The following ZNF320 variants were observed in gnomAD, a reference collection of about 807,000 sequenced individuals.
The protein encoded by ZNF320 is zinc finger protein 320.
In ZNF320, 2 loss-of-function variants were observed where a neutral mutation model predicts 6.8. The ratio of observed to expected loss-of-function variants is 0.29; its 90% CI spans 0.12 to 0.93. The LOEUF is 0.93. ZNF320 is among the 40% of genes least tolerant of loss of function. The pLI, the probability that ZNF320 is intolerant of heterozygous loss-of-function variation, is 0.55. For synonymous variants in ZNF320, 208 were observed against 203.2 expected (o/e 1.02, Z -0.20); for missense variants, 472 against 611.0 (o/e 0.77, Z 2.40).
At position 52,880,914 on chromosome 19, in the gene ZNF320, T is replaced by C. The variant is rs768969674; in HGVS notation, c.1212A>G (p.Gln404=). The C allele has an allele frequency of 3.1e-6, 5 of 1,613,210 alleles. No homozygotes were observed. In the African/African-American group the frequency reaches 4.0e-5, roughly 13 times the overall value. ...AAAGTTTCTCTCCAGTATGAAGTTT[T>C]TGATGACATGCGAGGTACGCTTTTG... The part of the protein sequence containing the change: ...FSTKAYLACH[Q]KLHTGEKLYE... The change falls in exon 6 of 6, where the codon CAA becomes CAG. Residue 404 remains glutamine (Q), a synonymous_variant. Coordinates refer to ENST00000682928, the MANE Select transcript of ZNF320 (RefSeq NM_001351774.2).
intron 5 of ZNF320, among the ~76,000 whole-genome samples, chr19:52,882,842 G>A (rs1206113697): frequency 6.6e-6 from 1 of 151,928 alleles, no homozygotes; most frequent in East Asian, 2.0e-4. Context: ...CTGAAAGGAT[G>A]AGGCAGGAAA....
chr19:52,896,993 C>T (rs1456700861), intron 1 of ZNF320, among the ~76,000 whole-genome samples: 1 of 152,232 alleles, frequency 6.6e-6, no homozygotes, highest in Non-Finnish European at 1.5e-5. Flanking sequence ...CTCAGCATTT[C>T]GTTGGCCAAG....
downstream of ZNF320, among the ~76,000 whole-genome samples, chr19:52,872,594 C>T (rs1490687556): frequency 5.9e-5 from 9 of 152,222 alleles, no homozygotes; most frequent in African/African-American, 1.4e-4. Context: ...CTCCGCCTCC[C>T]GGGTTCATGC....
At chr19:52,864,074 C>T (rs1315211303) in exon 6 of ZNF320, 1 of 484,062 alleles carries the variant, frequency 2.1e-6, no homozygotes, top group Non-Finnish European at 4.0e-6. Context: ...CATCACAGCC[C>T]TGTATAAAGC....
exon 6 of ZNF320, among the ~76,000 whole-genome samples, chr19:52,863,036 A>G (rs1369928915): frequency 1.3e-5 from 2 of 152,056 alleles, no homozygotes; most frequent in African/African-American, 2.4e-5. Flanking sequence ...GACTCGGCTC[A>G]TTGCAAACTG....
chr19:52,861,903 T>G (rs1354087052), exon 6 of ZNF320: 1 of 353,588 alleles, frequency 2.8e-6, no homozygotes, highest in Non-Finnish European at 5.7e-6. Context: ...AAGTAAAGAC[T>G]TTGCCATAAT....
At chr19:52,867,183 TTA>T (rs1233549484) in intron 5 of ZNF320, among the ~76,000 whole-genome samples, 6 of 151,836 alleles carry the variant, frequency 4.0e-5, no homozygotes, top group African/African-American at 7.3e-5. Flanking sequence ...AATTAATTAA[TTA>T]ATTAATTTAT....
chr19:52,875,124 C>G (rs1479392349), downstream of ZNF320, among the ~76,000 whole-genome samples: 1 of 152,236 alleles, frequency 6.6e-6, no homozygotes, highest in Non-Finnish European at 1.5e-5. Context: ...AATGACAACA[C>G]TTACAAATAA....
At chr19:52,889,390 T>G (rs1005709182) in intron 4 of ZNF320, among the ~76,000 whole-genome samples, 14 of 151,672 alleles carry the variant, frequency 9.2e-5, no homozygotes, top group African/African-American at 3.4e-4. Context: ...AGGCAGAGGG[T>G]GCAGTAAGCC....
exon 6 of ZNF320, chr19:52,863,996 G>A (rs1469449): frequency 0.49 from 224,494 of 457,344 alleles, 56,796 homozygotes; most frequent in African/African-American, 0.59. Flanking sequence ...GATACACAAG[G>A]ACAGATTCTT....
At chr19:52,863,537 A>G (rs942783617) in exon 6 of ZNF320, among the ~76,000 whole-genome samples, 1 of 150,098 alleles carries the variant, frequency 6.7e-6, no homozygotes, top group Non-Finnish European at 1.5e-5. Context: ...TGGGAGGCAG[A>G]GGTTGCAGTG....
At chr19:52,891,900 G>C (rs2147878649) in intron 2 of ZNF320, among the ~76,000 whole-genome samples, 1 of 152,302 alleles carries the variant, frequency 6.6e-6, no homozygotes, top group Non-Finnish European at 1.5e-5. Context: ...GAAAGGGTTG[G>C]TCTTATCACC....
chr19:52,895,204 C>T (rs2064433578), intron 1 of ZNF320: 1 of 152,224 alleles, frequency 6.6e-6, no homozygotes, highest in African/African-American at 2.4e-5. Flanking sequence ...GTGGCTCACA[C>T]CTTAAATCCC....
intron 5 of ZNF320, among the ~76,000 whole-genome samples, chr19:52,886,464 G>T (rs1465722306): frequency 6.6e-6 from 1 of 152,088 alleles, no homozygotes; most frequent in African/African-American, 2.4e-5. Context: ...TCATTATTGT[G>T]CTATAAGTTT....
At chr19:52,887,176 G>A (rs868500116) in intron 5 of ZNF320, among the ~76,000 whole-genome samples, 5 of 152,044 alleles carry the variant, frequency 3.3e-5, no homozygotes, top group South Asian at 4.1e-4. Context: ...TTTGAAGGTG[G>A]AGCTTCCACT....
the ZNF320 span, among the ~76,000 whole-genome samples, chr19:52,903,019 T>C: frequency 2.2e-3 from 333 of 152,342 alleles, 2 homozygotes; most frequent in African/African-American, 7.8e-3. Context: ...AAAATCCACA[T>C]TCTTATGCCT....
chr19:52,870,678 A>T (rs1334035895), intron 5 of ZNF320, among the ~76,000 whole-genome samples: 1 of 151,982 alleles, frequency 6.6e-6, no homozygotes, highest in Non-Finnish European at 1.5e-5. Flanking sequence ...AGGCAAAAGA[A>T]TCACTGTAAT....
At chr19:52,874,930 C>T (rs116401367), downstream of ZNF320, among the ~76,000 whole-genome samples, 21 of 152,166 alleles carry the variant, frequency 1.4e-4, no homozygotes, top group African/African-American at 4.6e-4. Flanking sequence ...AAGAAGCCTG[C>T]GTGGCTGGAG....
chr19:52,886,964 A>G (rs2064100299), intron 5 of ZNF320, among the ~76,000 whole-genome samples: 1 of 133,096 alleles, frequency 7.5e-6, no homozygotes, highest in Non-Finnish European at 1.6e-5. Context: ...AAAGAAAGAA[A>G]GAAAAGAAAG....
Sources: allele counts gnomAD v4.1 joint callset (sites outside exome capture counted in the v4.1 genomes callset), GRCh38; gene constraint gnomAD v4.1.1; transcripts MANE v1.5; gene names NCBI Gene and HGNC (gene_info 2026-07-23, HGNC 2026-07-21).